The following SNRPN variants were observed in gnomAD, a reference collection of about 807,000 sequenced individuals.
SNRPN encodes small nuclear ribonucleoprotein polypeptide N.
A neutral mutation model predicts 25.2 loss-of-function variants in SNRPN; 7 were observed. The ratio of observed to expected loss-of-function variants is 0.28; its 90% confidence interval spans 0.16 to 0.52. The LOEUF is 0.52. Among genes scored for constraint, SNRPN ranks in the 20% least tolerant of loss-of-function variants. SNRPN has a pLI of 0.96. For synonymous variants in SNRPN, 124 were observed against 110.6 expected (o/e 1.12, Z -0.76); for missense variants, 196 against 322.5 (o/e 0.61, Z 3.00).
intron 3 of SNRPN, among the ~76,000 whole-genome samples, chr15:24,932,692 C>G (rs2060954913): frequency 6.6e-6 from 1 of 151,854 alleles, no homozygotes; most frequent in Non-Finnish European, 1.5e-5. Flanking sequence ...TCTTGTTGCC[C>G]AGGCTGGAGT....
intron 2 of SNRPN, among the ~76,000 whole-genome samples, chr15:24,914,729 G>C (rs2059415808): frequency 6.6e-6 from 1 of 151,932 alleles, no homozygotes. Context: ...AGGTCCAGGG[G>C]ACCAAAAATG....
intron 3 of SNRPN, among the ~76,000 whole-genome samples, chr15:24,936,773 C>G (rs1448481920): frequency 6.6e-6 from 1 of 152,076 alleles, no homozygotes. Context: ...CCCCTGTGAT[C>G]TAGTCACATC....
At chr15:24,858,501 A>G (rs949922857) in intron 1 of SNRPN, among the ~76,000 whole-genome samples, 5 of 152,134 alleles carry the variant, frequency 3.3e-5, no homozygotes, top group Admixed American at 3.3e-4. Context: ...TTAGGGCTCC[A>G]AAAAGTAAAC....
At chr15:24,968,320 T>G (rs1278325165) in intron 3 of SNRPN, 1 of 305,332 alleles carries the variant, frequency 3.3e-6, no homozygotes, top group African/African-American at 2.2e-5. Context: ...TTCTTTTGCG[T>G]TTTTTTTAAT....
At chr15:24,927,843 T>C (rs1229094165) in intron 3 of SNRPN, among the ~76,000 whole-genome samples, 3 of 152,174 alleles carry the variant, frequency 2.0e-5, no homozygotes, top group Admixed American at 2.0e-4. Context: ...GCATGCATGC[T>C]AGGTATGTTA....
intron 1 of SNRPN, among the ~76,000 whole-genome samples, chr15:24,870,299 C>T (rs576872882): frequency 5.3e-5 from 8 of 152,214 alleles, no homozygotes; most frequent in African/African-American, 1.4e-4. Context: ...GGTCATCTGT[C>T]GATTTGAGGA....
intron 2 of SNRPN, among the ~76,000 whole-genome samples, chr15:24,832,610 A>G (rs950411798): frequency 6.6e-6 from 1 of 151,932 alleles, no homozygotes; most frequent in Non-Finnish European, 1.5e-5. Context: ...AGCAGCCACA[A>G]TCCGCTGGGG....
chr15:24,978,146 T>G (rs764147025), intron 8 of SNRPN, 47 bp from the exon 9 acceptor site: 1 of 1,591,836 alleles, frequency 6.3e-7, no homozygotes, highest in Admixed American at 1.7e-5. Context: ...TTCTAACTTT[T>G]CTAAGCCATT....
intron 2 of SNRPN, among the ~76,000 whole-genome samples, chr15:24,888,112 C>CTTTTTGT (rs2057352622): frequency 7.1e-6 from 1 of 139,900 alleles, no homozygotes; most frequent in Non-Finnish European, 1.5e-5. Flanking sequence ...TTAGAAATGA[C>CTTTTTGT]TTTTTTTTTT....
Position 24,955,004 on chromosome 15 carries a change from C to T in SNRPN, c.-449C>T. On this transcript the variant is annotated 5_prime_UTR_variant, in exon 1 of 10. Coordinates refer to ENST00000390687, the MANE Select transcript of SNRPN (RefSeq NM_003097.6). ...AGTCTGGCGCAGAGTGGAGCGGCCGCCGGAGATGCCTGACGCATCTGTCTG... is the reference window on the plus strand; with the variant it reads ...AGTCTGGCGCAGAGTGGAGCGGCCGTCGGAGATGCCTGACGCATCTGTCTG... 3.1e-6 allele frequency: 5 copies of T among 1,611,422 alleles called. No individual in the cohort carries two copies. The highest frequency in any genetic ancestry group is 1.1e-5 in the South Asian group (1 of 90,652).
At chr15:24,861,419 C>T (rs1351875990) in intron 1 of SNRPN, among the ~76,000 whole-genome samples, 3 of 152,060 alleles carry the variant, frequency 2.0e-5, no homozygotes, top group Non-Finnish European at 4.4e-5. Context: ...TGGTATAAAA[C>T]AAAAAATATT....
At chr15:24,943,895 C>T (rs1366017499) in intron 3 of SNRPN, among the ~76,000 whole-genome samples, 2 of 152,098 alleles carry the variant, frequency 1.3e-5, no homozygotes, top group Admixed American at 1.3e-4. Flanking sequence ...GATCCTGGCT[C>T]ACTGCAGCCG....
chr15:24,938,486 T>C (rs992676886), intron 3 of SNRPN, among the ~76,000 whole-genome samples: 3 of 151,684 alleles, frequency 2.0e-5, no homozygotes, highest in African/African-American at 7.3e-5. Flanking sequence ...TCTAGCACTG[T>C]CTGGTCTTGA....
intron 3 of SNRPN, among the ~76,000 whole-genome samples, chr15:24,936,881 T>C (rs2061264400): frequency 6.6e-6 from 1 of 152,184 alleles, no homozygotes; most frequent in Non-Finnish European, 1.5e-5. Context: ...AGAAATATTT[T>C]ACTTATTTTC....
At chr15:24,881,526 C>CGAGAGAGAGAGA (rs758798894) in intron 1 of SNRPN, among the ~76,000 whole-genome samples, 1 of 72,506 alleles carries the variant, frequency 1.4e-5, no homozygotes, top group Non-Finnish European at 2.9e-5. Context: ...AGCGAAACTC[C>CGAGAGAGAGAGA]GAGAGAGAGA....
intron 1 of SNRPN, among the ~76,000 whole-genome samples, chr15:24,877,310 T>G (rs2056009804): frequency 6.6e-6 from 1 of 152,196 alleles, no homozygotes; most frequent in Non-Finnish European, 1.5e-5. Context: ...AAAGTCACCT[T>G]ATTTGTATTT....
intron 2 of SNRPN, among the ~76,000 whole-genome samples, chr15:24,845,811 G>A (rs186003173): frequency 1.3e-5 from 2 of 152,150 alleles, no homozygotes; most frequent in East Asian, 1.9e-4. Flanking sequence ...TTGGTCAGGC[G>A]TGGTGGCTCA....
At chr15:24,834,759 A>ATATATG (rs2050896726) in intron 2 of SNRPN, among the ~76,000 whole-genome samples, 1 of 38,158 alleles carries the variant, frequency 2.6e-5, no homozygotes, top group Admixed American at 3.3e-4. Context: ...CTCTATATAT[A>ATATATG]TATATATATA....
intron 3 of SNRPN, among the ~76,000 whole-genome samples, chr15:24,941,811 C>A (rs2061574465): frequency 6.6e-6 from 1 of 152,048 alleles, no homozygotes. Flanking sequence ...CAGAGTCTCA[C>A]TCTGTCACCC....
Sources: allele counts gnomAD v4.1 joint callset (sites outside exome capture counted in the v4.1 genomes callset), GRCh38; gene constraint gnomAD v4.1.1; transcripts MANE v1.5; gene names NCBI Gene and HGNC (gene_info 2026-07-23, HGNC 2026-07-21).